PIGN: variants seen among roughly 807,000 people sequenced by gnomAD.
PIGN encodes the protein GPI ethanolamine phosphate transferase 1.
PIGN carries 117 observed loss-of-function variants against 125.4 expected under a neutral mutation model. The observed-to-expected ratio is 0.93, with a 90% CI of 0.80 to 1.09. The LOEUF (loss-of-function observed/expected upper bound fraction) is 1.09, where lower values mean the gene tolerates loss of function less well. Among genes scored for constraint, PIGN ranks in the 50% least tolerant of loss-of-function variants. The pLI is 0.00. For missense variants in PIGN, 1,075 were observed against 1,094.9 expected (o/e 0.98, Z 0.26); for synonymous variants, 392 against 377.8 (o/e 1.04, Z -0.44).
Position 62,105,623 on chromosome 18 carries a change from C to T in PIGN, c.1779G>A (p.Leu593=), listed in dbSNP as rs1384605852. The change falls in exon 20 of 31, where the codon CTG becomes CTA. Residue 593 remains leucine, a synonymous_variant. Transcript: ENST00000640252. ...GGAGCAAAGAGAAGAAAGTCCAACT[C>T]AGTGAGGTCATCTAAAATCAAGAAA... The part of the protein sequence containing the change: ...RLWTRAKMTS[L]SWTFFSLLLA... 6.5e-7 allele frequency: 1 copy of T among 1,540,970 alleles called. No individual in the cohort carries two copies. Among genetic ancestry groups the T allele is most frequent in the Non-Finnish European group, 8.8e-7 (1 of 1,142,412 alleles).
At chr18:62,062,400 A>C (rs1004351310) in intron 30 of PIGN, among the ~76,000 whole-genome samples, 5 of 152,228 alleles carry the variant, frequency 3.3e-5, no homozygotes, top group African/African-American at 1.2e-4. Context: ...AGTTTCTCAG[A>C]GCAAGCATCC....
At chr18:62,074,058 G>A (rs929213767) in intron 29 of PIGN, among the ~76,000 whole-genome samples, 1 of 152,254 alleles carries the variant, frequency 6.6e-6, no homozygotes, top group Non-Finnish European at 1.5e-5. Flanking sequence ...AAGCCTGGTT[G>A]GCAATACTCC....
chr18:62,022,575 C>T (rs1411098225), intron 23 of PIGN, among the ~76,000 whole-genome samples: 2 of 152,166 alleles, frequency 1.3e-5, no homozygotes, highest in African/African-American at 4.8e-5. Flanking sequence ...GTATTAAACA[C>T]TCTTAATAGT....
At chr18:62,139,903 T>C (rs956105825) in intron 12 of PIGN, among the ~76,000 whole-genome samples, 12 of 152,180 alleles carry the variant, frequency 7.9e-5, no homozygotes, top group African/African-American at 2.9e-4. Context: ...ACAAGGCTGG[T>C]TTTCAAGCAC....
intron 23 of PIGN, among the ~76,000 whole-genome samples, chr18:62,025,613 C>T (rs1288368069): frequency 1.3e-5 from 2 of 152,316 alleles, no homozygotes; most frequent in Non-Finnish European, 2.9e-5. Context: ...CTAAGTCTTG[C>T]TTATGCAAAC....
intron 14 of PIGN, chr18:62,138,035 TC>T: frequency 1.6e-6 from 1 of 613,388 alleles, no homozygotes; most frequent in Non-Finnish European, 2.7e-6. Flanking sequence ...CTCCATTCCC[TC>T]ATCCCTCTTC....
intron 14 of PIGN, among the ~76,000 whole-genome samples, chr18:62,132,692 T>C (rs1427760782): frequency 6.6e-6 from 1 of 152,146 alleles, no homozygotes; most frequent in South Asian, 2.1e-4. Flanking sequence ...AAAAAAATGA[T>C]AAAATAAAAT....
chr18:62,169,250 T>G (rs1360389174), intron 1 of PIGN, among the ~76,000 whole-genome samples: 1 of 151,316 alleles, frequency 6.6e-6, no homozygotes, highest in Non-Finnish European at 1.5e-5. Flanking sequence ...ATTCTTCCAC[T>G]GAGCATAAAT....
intron 23 of PIGN, among the ~76,000 whole-genome samples, chr18:62,034,320 C>T (rs1300555003): frequency 6.6e-6 from 1 of 152,192 alleles, no homozygotes; most frequent in Admixed American, 6.5e-5. Context: ...TTAAGCAATC[C>T]TCTTGCCTCA....
Position 62,157,212 on chromosome 18 carries a change from G to C in PIGN, c.359C>G (p.Pro120Arg), listed in dbSNP as rs773328493. 15 of 1,601,596 alleles carry C rather than the reference G, an allele frequency of 9.4e-6. No homozygotes were observed. In the South Asian group the frequency reaches 1.7e-4, roughly 18 times the overall value. ...SAVAKGWKEN[P>R]VEFDSLFNES... ...ATTAAAAAGAGAATCAAACTCTACA[G>C]GATTTTCCTTCCATCCTTCAGAAAG... Residue 120 changes from proline to arginine, a missense_variant, in exon 6 of 31, where the codon CCT (proline) becomes CGT (arginine). Transcript: ENST00000640252.
chr18:62,108,399 C>G (rs1447158110), intron 17 of PIGN, among the ~76,000 whole-genome samples: 1 of 151,954 alleles, frequency 6.6e-6, no homozygotes, highest in Non-Finnish European at 1.5e-5. Flanking sequence ...TCTGCAAAGA[C>G]AAAACCTTTT....
intron 10 of PIGN, among the ~76,000 whole-genome samples, chr18:62,145,538 G>A (rs1280572333): frequency 6.6e-6 from 1 of 151,820 alleles, no homozygotes; most frequent in African/African-American, 2.4e-5. Context: ...ACTTTGTTTG[G>A]GTTGAAAAAT....
At chr18:62,020,502 A>G (rs1339110379) in intron 23 of PIGN, among the ~76,000 whole-genome samples, 2 of 114,886 alleles carry the variant, frequency 1.7e-5, no homozygotes, top group Non-Finnish European at 4.2e-5. Flanking sequence ...AAAGACTTTA[A>G]AACAGTTTTT....
At chr18:62,034,508 G>A (rs1012521114) in intron 23 of PIGN, among the ~76,000 whole-genome samples, 15 of 152,220 alleles carry the variant, frequency 9.9e-5, no homozygotes, top group Admixed American at 8.5e-4. Flanking sequence ...GACTGGGGCT[G>A]TACCCTGCAA....
downstream of PIGN, among the ~76,000 whole-genome samples, chr18:62,037,861 A>G (rs1360132640): frequency 6.6e-6 from 1 of 152,118 alleles, no homozygotes; most frequent in African/African-American, 2.4e-5. Flanking sequence ...TGGTTGCAAT[A>G]ACTCAATTAT....
At chr18:62,052,565 C>T (rs1196898884) in intron 30 of PIGN, 6 of 136,222 alleles carry the variant, frequency 4.4e-5, no homozygotes, top group African/African-American at 1.7e-4. Flanking sequence ...GTAGATCTTC[C>T]TCCATCCTTT....
At chr18:62,056,577 A>C (rs879730240) in intron 30 of PIGN, 3 of 152,044 alleles carry the variant, frequency 2.0e-5, no homozygotes, top group Non-Finnish European at 2.9e-5. Flanking sequence ...TCTCACCCCG[A>C]ACTTTCTAAC....
At position 62,095,792 on chromosome 18, in the gene PIGN, T is replaced by C. The variant is rs1234657063; in HGVS notation, c.2180+56A>G. On this transcript the variant is annotated intron_variant, in intron 23 of 30. Transcript: ENST00000640252. The stretch of plus-strand genomic sequence containing the variant: ...AAGTTAAATACTAATAGAGAAAATA[T>C]CAATATATCATTTAAAACTTGCTGC... 1.8e-5 allele frequency: 16 copies of C among 910,602 alleles called. No homozygotes were observed. The East Asian group carries it at 3.7e-4, about 21-fold the overall frequency. The allele number at this position is 910,602 out of a possible 1,614,324, so 56.4% of individuals were successfully genotyped here.
chr18:62,148,004 T>G (rs1293819846), intron 8 of PIGN, among the ~76,000 whole-genome samples: 3 of 152,116 alleles, frequency 2.0e-5, no homozygotes, highest in Non-Finnish European at 4.4e-5. Context: ...AGGATATATT[T>G]TACTTATATT....
Sources: gnomAD v4.1 joint callset for allele counts (sites outside exome capture counted in the v4.1 genomes callset) on GRCh38, gnomAD v4.1.1 for gene constraint, MANE v1.5 for transcripts, NCBI Gene and HGNC (gene_info 2026-07-23, HGNC 2026-07-21) for gene names.